Variants in MARCHF1 observed in about 807,000 individuals in gnomAD.
MARCHF1 encodes membrane associated ring-CH-type finger 1.
A neutral mutation model predicts 54.2 loss-of-function variants in MARCHF1; 40 were observed. The observed-to-expected ratio is 0.74, with a 90% CI of 0.57 to 0.96. The LOEUF is 0.96. MARCHF1 is among the 40% of genes least tolerant of loss of function. The pLI, the probability that MARCHF1 is intolerant of heterozygous loss-of-function variation, is 0.00. For synonymous variants in MARCHF1, 236 were observed against 236.3 expected (o/e 1.00, Z 0.01); for missense variants, 586 against 656.5 (o/e 0.89, Z 1.17).
At position 164,126,066 on chromosome 4, in the gene MARCHF1, A is replaced by G. The variant is rs1415692668; in HGVS notation, c.-322-14404T>C. Among the ~76,000 whole-genome samples the G allele has an allele frequency of 4.6e-5, 7 of 152,364 alleles. No individual in the cohort carries two copies. The East Asian group carries it at 1.3e-3, about 29-fold the overall frequency. On this transcript the variant is annotated intron_variant, in intron 1 of 9. Coordinates refer to ENST00000514618, the MANE Select transcript of MARCHF1 (RefSeq NM_001394959.1). Reference sequence around the variant, plus strand: ...TCTCAGTCATTCCTGGGGTCAAACGACTAAGGTTCCAGTCTTCATCCTTTA... The same window carrying G: ...TCTCAGTCATTCCTGGGGTCAAACGGCTAAGGTTCCAGTCTTCATCCTTTA...
chr4:163,868,083 C>G (rs142064464), intron 3 of MARCHF1, among the ~76,000 whole-genome samples: 1 of 151,986 alleles, frequency 6.6e-6, no homozygotes, highest in East Asian at 1.9e-4. Flanking sequence ...TCTGCCTCAC[C>G]ACCTGCTCTG....
intron 1 of MARCHF1, among the ~76,000 whole-genome samples, chr4:164,200,468 A>G (rs965316404): frequency 6.6e-6 from 1 of 152,280 alleles, no homozygotes; most frequent in East Asian, 1.9e-4. Flanking sequence ...TAAGTCTTGT[A>G]TAACTGGTTC....
intron 1 of MARCHF1, among the ~76,000 whole-genome samples, chr4:164,157,637 G>T (rs1214529673): frequency 6.6e-6 from 1 of 152,086 alleles, no homozygotes; most frequent in African/African-American, 2.4e-5. Flanking sequence ...CTAGCATCTG[G>T]GTAATTCTTG....
intron 1 of MARCHF1, among the ~76,000 whole-genome samples, chr4:164,286,447 G>A (rs11100542): frequency 1.2e-3 from 175 of 151,990 alleles, no homozygotes; most frequent in African/African-American, 4.1e-3. Flanking sequence ...GCTAATTAAT[G>A]TATAATTACT....
intron 2 of MARCHF1, among the ~76,000 whole-genome samples, chr4:164,109,830 A>G (rs568233906): frequency 6.7e-6 from 1 of 149,942 alleles, no homozygotes; most frequent in Admixed American, 6.7e-5. Flanking sequence ...TGAAATCCTA[A>G]TGATCTGTAC....
At chr4:164,241,685 C>A (rs998907746) in intron 1 of MARCHF1, among the ~76,000 whole-genome samples, 1 of 152,142 alleles carries the variant, frequency 6.6e-6, no homozygotes, top group Non-Finnish European at 1.5e-5. Flanking sequence ...ACGCAGAAGA[C>A]GGGTGATTTC....
chr4:164,173,753 C>A (rs1332999772), intron 1 of MARCHF1, among the ~76,000 whole-genome samples: 1 of 152,168 alleles, frequency 6.6e-6, no homozygotes, highest in East Asian at 1.9e-4. Context: ...TGAGTGGAAG[C>A]TTCCTGAGGT....
At chr4:163,998,399 A>G (rs1753121349) in intron 2 of MARCHF1, among the ~76,000 whole-genome samples, 1 of 151,606 alleles carries the variant, frequency 6.6e-6, no homozygotes, top group Non-Finnish European at 1.5e-5. Flanking sequence ...ACTCATGTTA[A>G]TTAATATTAA....
intron 4 of MARCHF1, among the ~76,000 whole-genome samples, chr4:163,822,630 G>A (rs1748726674): frequency 6.6e-6 from 1 of 151,984 alleles, no homozygotes; most frequent in South Asian, 2.1e-4. Context: ...GATATTAGAT[G>A]TGCATATTTT....
chr4:163,910,891 A>G (rs757464943), intron 3 of MARCHF1, among the ~76,000 whole-genome samples: 8 of 152,322 alleles, frequency 5.3e-5, no homozygotes, highest in Non-Finnish European at 1.0e-4. Context: ...GATTTGCTAC[A>G]TGTTCGACTC....
At chr4:163,721,343 A>C (rs376764930) in intron 4 of MARCHF1, among the ~76,000 whole-genome samples, 1 of 151,966 alleles carries the variant, frequency 6.6e-6, no homozygotes, top group South Asian at 2.1e-4. Context: ...ATTGATTTGC[A>C]TATGTTGAAC....
chr4:164,129,397 T>C (rs1294002184), intron 1 of MARCHF1, among the ~76,000 whole-genome samples: 4 of 152,160 alleles, frequency 2.6e-5, no homozygotes, highest in Non-Finnish European at 4.4e-5. Context: ...TGAATTAACA[T>C]AATATTTTAT....
chr4:164,185,669 G>A (rs1235480550), intron 1 of MARCHF1, among the ~76,000 whole-genome samples: 1 of 151,946 alleles, frequency 6.6e-6, no homozygotes, highest in East Asian at 1.9e-4. Flanking sequence ...TTTGAAAGTA[G>A]ACTTTTTTTC....
intron 3 of MARCHF1, among the ~76,000 whole-genome samples, chr4:163,912,053 C>A (rs1751200759): frequency 1.8e-5 from 2 of 110,496 alleles, no homozygotes; most frequent in African/African-American, 6.4e-5. Context: ...ATTAAGTCAT[C>A]AGGAATGCAG....
At chr4:163,885,400 TA>T (rs763380580) in intron 3 of MARCHF1, among the ~76,000 whole-genome samples, 1 of 151,782 alleles carries the variant, frequency 6.6e-6, no homozygotes. Flanking sequence ...CAACCAAAAA[TA>T]AAAAATAAAG....
chr4:164,343,364 G>T (rs1347229961), intron 1 of MARCHF1, among the ~76,000 whole-genome samples: 1 of 152,032 alleles, frequency 6.6e-6, no homozygotes, highest in Non-Finnish European at 1.5e-5. Context: ...TGACAAATGG[G>T]ACTCAGTTAA....
intron 2 of MARCHF1, among the ~76,000 whole-genome samples, chr4:164,042,338 A>C (rs1754146675): frequency 2.0e-5 from 3 of 152,202 alleles, no homozygotes; most frequent in Admixed American, 2.0e-4. Context: ...TAGGCTTAAC[A>C]GGAAGCATAA....
intron 1 of MARCHF1, among the ~76,000 whole-genome samples, chr4:164,359,865 G>A (rs962107525): frequency 6.6e-6 from 1 of 152,110 alleles, no homozygotes; most frequent in African/African-American, 2.4e-5. Flanking sequence ...GAACCTCTGG[G>A]AGTAGGGCCC....
intron 3 of MARCHF1, among the ~76,000 whole-genome samples, chr4:163,966,553 T>A (rs1393910696): frequency 6.6e-6 from 1 of 152,100 alleles, no homozygotes; most frequent in Non-Finnish European, 1.5e-5. Context: ...GCTTCCCACA[T>A]AACAGGCAGT....
Sources: gnomAD v4.1 joint callset for allele counts (sites outside exome capture counted in the v4.1 genomes callset) on GRCh38, gnomAD v4.1.1 for gene constraint, MANE v1.5 for transcripts, NCBI Gene and HGNC (gene_info 2026-07-23, HGNC 2026-07-21) for gene names.